Variants in UGGT2 observed in about 807,000 individuals in gnomAD.
The protein encoded by UGGT2 is UDP-glucose:glycoprotein glucosyltransferase 2.
In UGGT2, 180 loss-of-function variants were observed where a neutral mutation model predicts 192.1. The ratio of observed to expected loss-of-function variants is 0.94; its 90% CI spans 0.83 to 1.06. The LOEUF (loss-of-function observed/expected upper bound fraction) is 1.06. UGGT2 is among the 50% of genes least tolerant of loss of function. The pLI is 0.00. For synonymous variants in UGGT2, 580 were observed against 591.0 expected (o/e 0.98, Z 0.27); for missense variants, 1,849 against 1,795.7 (o/e 1.03, Z -0.54).
At chr13:95,916,542 C>T (rs2048686809) in intron 20 of UGGT2, among the ~76,000 whole-genome samples, 1 of 152,082 alleles carries the variant, frequency 6.6e-6, no homozygotes. Context: ...AGAACTGGGC[C>T]GAGGCCAAGA....
intron 10 of UGGT2, among the ~76,000 whole-genome samples, chr13:95,980,294 G>A (rs1049618824): frequency 3.4e-4 from 52 of 152,182 alleles, no homozygotes; most frequent in Non-Finnish European, 2.2e-4. Flanking sequence ...GGAATGAAAT[G>A]GCATTTGTGC....
chr13:95,853,464 G>C, intron 36 of UGGT2, 79 bp downstream of exon 36: 1 of 1,112,794 alleles, frequency 9.0e-7, no homozygotes, highest in East Asian at 2.7e-5. Context: ...CAAAATATAA[G>C]ACTTTAAAGT....
intron 15 of UGGT2, among the ~76,000 whole-genome samples, 194 bp downstream of exon 15, chr13:95,946,843 G>A (rs1225672093): frequency 6.6e-6 from 1 of 152,170 alleles, no homozygotes; most frequent in Non-Finnish European, 1.5e-5. Flanking sequence ...AATTTATAAT[G>A]TGAGGATAAT....
chr13:95,990,534 T>TG (rs959552601), intron 7 of UGGT2: 1 of 152,284 alleles, frequency 6.6e-6, no homozygotes, highest in Non-Finnish European at 1.5e-5. Context: ...TTTTACCCAT[T>TG]GTTAAACATC....
chr13:95,877,539 G>C (rs757875824), intron 28 of UGGT2, 159 bp downstream of exon 28: 16 of 1,041,670 alleles, frequency 1.5e-5, no homozygotes, highest in Non-Finnish European at 2.1e-5. Context: ...ATTAAAGTAT[G>C]ATTTTCCCCA....
intron 38 of UGGT2, among the ~76,000 whole-genome samples, chr13:95,819,681 T>C (rs1330907850): frequency 1.3e-5 from 2 of 152,156 alleles, no homozygotes; most frequent in African/African-American, 4.8e-5. Flanking sequence ...ACAATATTAT[T>C]TGATCTCAAT....
At chr13:96,013,224 A>C in intron 5 of UGGT2, 83 bp downstream of exon 5, 1 of 1,322,596 alleles carries the variant, frequency 7.6e-7, no homozygotes, top group African/African-American at 1.6e-5. Context: ...GTGAAAATTA[A>C]TATTTAAATC....
At chr13:95,922,886 T>A (rs949191013) in intron 20 of UGGT2, among the ~76,000 whole-genome samples, 1 of 152,146 alleles carries the variant, frequency 6.6e-6, no homozygotes. Context: ...CTCTCTTTGT[T>A]TTTAAATTGG....
At chr13:95,820,489 A>G (rs1161762885) in intron 38 of UGGT2, among the ~76,000 whole-genome samples, 1 of 152,230 alleles carries the variant, frequency 6.6e-6, no homozygotes, top group African/African-American at 2.4e-5. Context: ...ATTGCACAAA[A>G]GAGCTCTACA....
chr13:95,855,359 C>T (rs1029196791), intron 34 of UGGT2, among the ~76,000 whole-genome samples: 2 of 151,816 alleles, frequency 1.3e-5, no homozygotes, highest in Non-Finnish European at 2.9e-5. Flanking sequence ...TTTTCATTTA[C>T]ATATTACTTT....
chr13:95,850,102 T>C (rs1888886445), intron 36 of UGGT2, among the ~76,000 whole-genome samples: 1 of 152,118 alleles, frequency 6.6e-6, no homozygotes, highest in South Asian at 2.1e-4. Context: ...AGGTAGAAGA[T>C]GAGGTTGAGA....
chr13:95,965,793 T>A (rs2050560148), intron 12 of UGGT2, among the ~76,000 whole-genome samples: 1 of 152,092 alleles, frequency 6.6e-6, no homozygotes. Flanking sequence ...AAGTATATAA[T>A]GTTCAACATC....
intron 7 of UGGT2, among the ~76,000 whole-genome samples, chr13:95,993,103 T>C (rs1594528687): frequency 6.6e-6 from 1 of 152,250 alleles, no homozygotes; most frequent in East Asian, 1.9e-4. Flanking sequence ...GCAACATGAA[T>C]GCAGCGGTAG....
At chr13:95,835,736 ACTT>A (rs1190559381) in intron 37 of UGGT2, among the ~76,000 whole-genome samples, 1 of 152,198 alleles carries the variant, frequency 6.6e-6, no homozygotes. Flanking sequence ...TAGGAAAAAA[ACTT>A]ATTATACCTA....
chr13:95,877,781 C>T lies in UGGT2; in HGVS notation c.3304G>A (p.Glu1102Lys), dbSNP rs1437152533. The T allele has an allele frequency of 6.2e-7, 1 of 1,613,898 alleles. No homozygotes were observed. Among genetic ancestry groups the T allele is most frequent in the African/African-American group, 1.3e-5 (1 of 74,920 alleles). The stretch of plus-strand genomic sequence containing the variant: ...AACTGCAGACCCCGAGGAGGCTGTT[C>T]TGTCACTTTATCAAAGCATTGTCCT... ...LEGQCFDKVT[E>K]QPPRGLQFTL... is the part of the protein sequence containing the mutation. Residue 1102 changes from glutamate to lysine, a missense_variant, in exon 28 of 39, where the codon GAA becomes AAA. Physicochemically the swap from Glu to Lys is moderately conservative, Grantham distance 56 (BLOSUM62 1). Transcript: ENST00000376747.
chr13:96,037,008 T>C (rs1195065287), intron 1 of UGGT2, among the ~76,000 whole-genome samples: 1 of 152,230 alleles, frequency 6.6e-6, no homozygotes, highest in African/African-American at 2.4e-5. Context: ...TCAAAATAAG[T>C]GTATTTCTTC....
chr13:95,938,405 T>C (rs2049540518), intron 16 of UGGT2, among the ~76,000 whole-genome samples: 1 of 152,136 alleles, frequency 6.6e-6, no homozygotes, highest in African/African-American at 2.4e-5. Flanking sequence ...GCCAACATTC[T>C]CACAAATACT....
At chr13:95,858,451 C>T (rs529291699) in intron 33 of UGGT2, among the ~76,000 whole-genome samples, 11 of 152,070 alleles carry the variant, frequency 7.2e-5, no homozygotes, top group Non-Finnish European at 1.3e-4. Flanking sequence ...GTCCACACAG[C>T]TGACCCTCAA....
At chr13:95,817,553 CTT>C (rs1566539588) in intron 38 of UGGT2, among the ~76,000 whole-genome samples, 1 of 152,068 alleles carries the variant, frequency 6.6e-6, no homozygotes, top group Non-Finnish European at 1.5e-5. Flanking sequence ...TGCATTCCAG[CTT>C]GGGCAACAGA....
Sources: allele counts gnomAD v4.1 joint callset (sites outside exome capture counted in the v4.1 genomes callset), GRCh38; gene constraint gnomAD v4.1.1; transcripts MANE v1.5; gene names NCBI Gene and HGNC (gene_info 2026-07-23, HGNC 2026-07-21).